The following HIVEP3 variants were observed in gnomAD, a reference collection of about 807,000 sequenced individuals.
HIVEP3 encodes the protein HIVEP zinc finger 3.
In HIVEP3, 49 loss-of-function variants were observed where a neutral mutation model predicts 152.8. The ratio of observed to expected loss-of-function variants is 0.32; its 90% CI spans 0.26 to 0.41. The LOEUF (loss-of-function observed/expected upper bound fraction) is 0.41, where lower values mean the gene tolerates loss of function less well. HIVEP3 is among the 10% of genes least tolerant of loss of function. The pLI is 1.00. For missense variants in HIVEP3, 2,790 were observed against 3,103.3 expected (o/e 0.90, Z 2.40); for synonymous variants, 1,269 against 1,289.0 (o/e 0.98, Z 0.33).
intron 2 of HIVEP3, among the ~76,000 whole-genome samples, chr1:41,687,336 A>G (rs1045383806): frequency 1.3e-5 from 2 of 152,216 alleles, no homozygotes; most frequent in African/African-American, 4.8e-5. Flanking sequence ...AGAGCTAATC[A>G]CTAAACTTTA....
At chr1:41,625,976 A>G (rs530017208) in intron 3 of HIVEP3, among the ~76,000 whole-genome samples, 1 of 152,378 alleles carries the variant, frequency 6.6e-6, no homozygotes, top group Admixed American at 6.5e-5. Flanking sequence ...AAAACTGCTC[A>G]AGTTTCTCAT....
intron 4 of HIVEP3, among the ~76,000 whole-genome samples, chr1:41,577,133 G>A (rs1290441658): frequency 6.6e-6 from 1 of 152,176 alleles, no homozygotes; most frequent in African/African-American, 2.4e-5. Context: ...GGGTGGCAGT[G>A]TACCACTTTC....
intron 2 of HIVEP3, among the ~76,000 whole-genome samples, chr1:41,631,183 G>A (rs980292210): frequency 7.2e-5 from 11 of 152,186 alleles, no homozygotes; most frequent in Admixed American, 5.9e-4. Flanking sequence ...TGGTTTGCCC[G>A]CTGCAGGCAG....
intron 5 of HIVEP3, among the ~76,000 whole-genome samples, chr1:41,572,526 C>G (rs1366208856): frequency 2.6e-5 from 4 of 152,178 alleles, no homozygotes; most frequent in African/African-American, 9.7e-5. Context: ...TCTGGCCATC[C>G]CCACCTTAGC....
chr1:41,557,663 G>A (rs77647443), intron 5 of HIVEP3, among the ~76,000 whole-genome samples: 2,174 of 151,768 alleles, frequency 0.014, 63 homozygotes, highest in African/African-American at 0.046. Flanking sequence ...CCAGAGCCTC[G>A]TCTCTCTCCA....
At chr1:41,840,186 C>T (rs11210533) in intron 1 of HIVEP3, among the ~76,000 whole-genome samples, 1 of 152,010 alleles carries the variant, frequency 6.6e-6, no homozygotes, top group African/African-American at 2.4e-5. Context: ...TAGTGTCCCC[C>T]CAACGTTCAC....
chr1:41,587,281 A>T (rs553682231), intron 3 of HIVEP3, among the ~76,000 whole-genome samples: 1 of 152,236 alleles, frequency 6.6e-6, no homozygotes, highest in Admixed American at 6.5e-5. Flanking sequence ...ATATTTGTCA[A>T]TGAAAGACTG....
In HIVEP3 at chr1:41,918,418, G is replaced by A. The variant is rs1644908528; in HGVS notation, c.-806C>T. ...AAAAACCCAGAGTCCCCTACCTTCG[G>A]CCTTGGGATGGCAAACTGGTCCTGT... On this transcript the variant is annotated 5_prime_UTR_variant, in exon 1 of 9. Transcript: ENST00000372583. This position sits in a 1 kb window ranked among gnomAD's most constrained non-coding sequence, Gnocchi z 4.3. 1.3e-5 allele frequency: 2 copies of A among 152,218 alleles called. No individual in the cohort carries two copies. Among genetic ancestry groups the A allele is most frequent in the Admixed American group, 6.5e-5 (1 of 15,282 alleles). The allele number at this position is 152,218 out of a possible 1,614,324, so 9.4% of individuals were successfully genotyped here.
intron 3 of HIVEP3, among the ~76,000 whole-genome samples, chr1:41,589,001 G>A (rs1175210233): frequency 6.6e-6 from 1 of 152,224 alleles, no homozygotes; most frequent in Non-Finnish European, 1.5e-5. Flanking sequence ...CAAATGTGGT[G>A]CGGCATAAAC....
At chr1:41,996,887 C>T (rs1570879447) in intron 1 of HIVEP3, among the ~76,000 whole-genome samples, 2 of 152,254 alleles carry the variant, frequency 1.3e-5, no homozygotes, top group Middle Eastern at 6.8e-3. Context: ...CGGCCCATGG[C>T]CCCTTCTACC....
intron 1 of HIVEP3, among the ~76,000 whole-genome samples, chr1:41,823,414 TAGAC>T (rs1382770244): frequency 1.3e-5 from 2 of 152,198 alleles, no homozygotes; most frequent in Non-Finnish European, 2.9e-5. Context: ...CAGTCTTAGT[TAGAC>T]TGACTTGCCC....
At chr1:41,757,423 A>G (rs113596010) in intron 1 of HIVEP3, among the ~76,000 whole-genome samples, 3,703 of 151,626 alleles carry the variant, frequency 0.024, 162 homozygotes, top group African/African-American at 0.085. Flanking sequence ...GGCCCAAAAA[A>G]ATATTTTTTT....
chr1:41,601,781 A>T (rs1474493049), intron 3 of HIVEP3, among the ~76,000 whole-genome samples: 2 of 152,186 alleles, frequency 1.3e-5, no homozygotes, highest in African/African-American at 4.8e-5. Context: ...CTTGAATAGA[A>T]ATGGCAAGCA....
intron 1 of HIVEP3, among the ~76,000 whole-genome samples, chr1:42,012,512 G>A (rs1447407000): frequency 3.3e-5 from 5 of 152,122 alleles, no homozygotes; most frequent in Non-Finnish European, 7.4e-5. Context: ...CCAACGTGGT[G>A]AAACCTCATT....
chr1:41,547,527 G>A (rs569997158), intron 5 of HIVEP3, among the ~76,000 whole-genome samples: 437 of 152,254 alleles, frequency 2.9e-3, no homozygotes, highest in Admixed American at 6.2e-3. Context: ...GGGATCCACC[G>A]AGGGAATGGC....
chr1:41,860,344 G>T (rs1381861579), intron 1 of HIVEP3, among the ~76,000 whole-genome samples: 2 of 152,180 alleles, frequency 1.3e-5, no homozygotes, highest in African/African-American at 4.8e-5. Flanking sequence ...ATCAAGGTCA[G>T]CATAGCACAA....
At chr1:41,516,896 T>C (rs1387626253) in intron 7 of HIVEP3, among the ~76,000 whole-genome samples, 1 of 152,244 alleles carries the variant, frequency 6.6e-6, no homozygotes, top group Non-Finnish European at 1.5e-5. Context: ...CACTTGGCTC[T>C]TCTGCTTTCT....
intron 6 of HIVEP3, among the ~76,000 whole-genome samples, chr1:41,523,508 C>T (rs192830850): frequency 1.1e-3 from 168 of 152,062 alleles, no homozygotes; most frequent in African/African-American, 3.5e-3. Context: ...GTGAGGAGAC[C>T]AGAAATGGGA....
chr1:41,651,678 G>A (rs1451707768), intron 2 of HIVEP3, among the ~76,000 whole-genome samples: 1 of 152,182 alleles, frequency 6.6e-6, no homozygotes, highest in African/African-American at 2.4e-5. Context: ...TGGATACCAA[G>A]GGATGACTGA....
Sources: allele counts gnomAD v4.1 joint callset (sites outside exome capture counted in the v4.1 genomes callset), GRCh38; gene constraint gnomAD v4.1.1; non-coding constraint Gnocchi (gnomAD v3.1); transcripts MANE v1.5; gene names NCBI Gene and HGNC (gene_info 2026-07-23, HGNC 2026-07-21).